The following DPP10 variants were observed in gnomAD, a reference collection of about 807,000 sequenced individuals.
The protein encoded by DPP10 is inactive dipeptidyl peptidase 10.
In DPP10, 33 loss-of-function variants were observed where a neutral mutation model predicts 120.9. The observed-to-expected ratio is 0.27, with a 90% CI of 0.21 to 0.37. The LOEUF (loss-of-function observed/expected upper bound fraction) is 0.37, where lower values mean the gene tolerates loss of function less well. Ranked by LOEUF, DPP10 falls within the 10% of genes least tolerant of loss-of-function variation. The pLI, the probability that DPP10 is intolerant of heterozygous loss-of-function variation, is 1.00. For missense variants in DPP10, 816 were observed against 942.8 expected, an observed-to-expected ratio of 0.87 and a Z score of 1.76; for synonymous variants, 337 against 326.1, an observed-to-expected ratio of 1.03 and a Z score of -0.36.
chr2:115,358,242 T>C (rs2064535655), intron 3 of DPP10, among the ~76,000 whole-genome samples: 1 of 152,156 alleles, frequency 6.6e-6, no homozygotes, highest in Non-Finnish European at 1.5e-5. Flanking sequence ...ACTTTGTCAC[T>C]TAGAAATTTC....
chr2:114,913,316 C>T (rs903573778), intron 1 of DPP10, among the ~76,000 whole-genome samples: 1 of 152,114 alleles, frequency 6.6e-6, no homozygotes, highest in African/African-American at 2.4e-5. Context: ...CCTACCACCC[C>T]CGCACTGAAG....
At chr2:115,416,538 G>A (rs1574776562) in intron 3 of DPP10, among the ~76,000 whole-genome samples, 1 of 152,132 alleles carries the variant, frequency 6.6e-6, no homozygotes, top group South Asian at 2.1e-4. Context: ...CATCTATTCT[G>A]TAGGATTTAT....
At chr2:115,284,349 G>T (rs1306103093) in intron 1 of DPP10, among the ~76,000 whole-genome samples, 1 of 151,888 alleles carries the variant, frequency 6.6e-6, no homozygotes, top group Non-Finnish European at 1.5e-5. Flanking sequence ...AACAGAAAGG[G>T]CTCATCCACT....
At chr2:115,568,398 G>C (rs986051546) in intron 5 of DPP10, among the ~76,000 whole-genome samples, 15 of 149,626 alleles carry the variant, frequency 1.0e-4, no homozygotes, top group African/African-American at 3.2e-4. Flanking sequence ...CAGGAGAATC[G>C]CTTGAATCCG....
rs1454766647 is a variant in DPP10 at position 114,497,304 on chromosome 2, T to C, written c.60+54466T>C. Among the ~76,000 whole-genome samples, 7 of 48,500 alleles carry C rather than the reference T, an allele frequency of 1.4e-4. No individual in the cohort carries two copies. In the South Asian group the frequency reaches 1.8e-3, roughly 12 times the overall value. The allele number at this position is 48,500 out of a possible 152,430, so 31.8% of individuals were successfully genotyped here. On this transcript the variant is annotated intron_variant, in intron 1 of 25. Transcript: ENST00000410059. ...ACGTGTATACATGTACATGTATACG[T>C]GTATACATGTACATGTATACGTGTA...
At chr2:114,491,957 A>G (rs141686786) in intron 1 of DPP10, among the ~76,000 whole-genome samples, 260 of 152,328 alleles carry the variant, frequency 1.7e-3, no homozygotes, top group African/African-American at 5.9e-3. Flanking sequence ...AAATGGACTA[A>G]TGAATGAATA....
At chr2:115,248,375 G>T (rs1017836869) in intron 1 of DPP10, among the ~76,000 whole-genome samples, 2 of 151,846 alleles carry the variant, frequency 1.3e-5, no homozygotes, top group African/African-American at 4.8e-5. Flanking sequence ...GTATACTCTG[G>T]CCTCTTTTTC....
intron 4 of DPP10, among the ~76,000 whole-genome samples, chr2:115,508,639 TCA>T (rs2077071311): frequency 6.6e-6 from 1 of 152,204 alleles, no homozygotes; most frequent in South Asian, 2.1e-4. Context: ...GCTCAATGGC[TCA>T]CGCCTGTAAT....
intron 3 of DPP10, among the ~76,000 whole-genome samples, chr2:115,480,779 C>T (rs2075381364): frequency 6.6e-6 from 1 of 152,068 alleles, no homozygotes; most frequent in Non-Finnish European, 1.5e-5. Flanking sequence ...AATCTCATAT[C>T]ATGTTTTCTA....
intron 1 of DPP10, among the ~76,000 whole-genome samples, chr2:114,663,668 T>TATATATATAAAG: frequency 1.2e-5 from 1 of 80,740 alleles, no homozygotes; most frequent in African/African-American, 9.4e-5. Flanking sequence ...TATATATATA[T>TATATATATAAAG]AGAGAGAGAG....
intron 3 of DPP10, among the ~76,000 whole-genome samples, chr2:115,420,794 G>T (rs1395583216): frequency 6.6e-6 from 1 of 152,110 alleles, no homozygotes; most frequent in African/African-American, 2.4e-5. Context: ...AACTTCCTGG[G>T]AAGACAACAG....
intron 3 of DPP10, among the ~76,000 whole-genome samples, chr2:115,490,238 C>A (rs999296826): frequency 6.6e-6 from 1 of 152,062 alleles, no homozygotes; most frequent in African/African-American, 2.4e-5. Context: ...CTAAGGAGGC[C>A]TCAGGAAACT....
At chr2:115,331,099 C>T (rs1019988723) in intron 2 of DPP10, among the ~76,000 whole-genome samples, 6 of 152,086 alleles carry the variant, frequency 3.9e-5, no homozygotes, top group Non-Finnish European at 7.4e-5. Flanking sequence ...TCTTTTATTT[C>T]GTTGAGCAGT....
chr2:115,201,736 T>A (rs2055740233), intron 1 of DPP10, among the ~76,000 whole-genome samples: 1 of 152,312 alleles, frequency 6.6e-6, no homozygotes, highest in East Asian at 1.9e-4. Flanking sequence ...CTGCTCTGTA[T>A]GTGCTCCCAG....
At chr2:114,684,894 G>T (rs1699265502) in intron 1 of DPP10, among the ~76,000 whole-genome samples, 1 of 151,906 alleles carries the variant, frequency 6.6e-6, no homozygotes, top group Non-Finnish European at 1.5e-5. Context: ...ATGCTACCTA[G>T]GGGAGACCAT....
intron 1 of DPP10, among the ~76,000 whole-genome samples, chr2:115,245,739 A>G (rs191226006): frequency 7.7e-4 from 117 of 152,282 alleles, no homozygotes; most frequent in Admixed American, 2.0e-3. Context: ...ATTCTGTGAT[A>G]CAATGGGAAT....
At chr2:115,377,735 T>G (rs1376762970) in intron 3 of DPP10, among the ~76,000 whole-genome samples, 6 of 152,066 alleles carry the variant, frequency 3.9e-5, no homozygotes, top group African/African-American at 1.4e-4. Context: ...TTGTATAAGG[T>G]GTAAGGAAGG....
chr2:114,466,651 G>A (rs1679405441), intron 1 of DPP10, among the ~76,000 whole-genome samples: 1 of 152,176 alleles, frequency 6.6e-6, no homozygotes, highest in Non-Finnish European at 1.5e-5. Flanking sequence ...TAGGTAAGGA[G>A]CATAGAATAG....
chr2:114,833,453 A>T (rs746485921), intron 1 of DPP10: 5 of 152,132 alleles, frequency 3.3e-5, no homozygotes, highest in Admixed American at 6.5e-5. Context: ...AAAAATCTTT[A>T]TTTAGCCATC....
Sources: gnomAD v4.1 joint callset for allele counts (sites outside exome capture counted in the v4.1 genomes callset) on GRCh38, gnomAD v4.1.1 for gene constraint, MANE v1.5 for transcripts, NCBI Gene and HGNC (gene_info 2026-07-23, HGNC 2026-07-21) for gene names.